PTBP2: variants seen among roughly 807,000 people sequenced by gnomAD.
PTBP2 encodes polypyrimidine tract binding protein 2, also known as polypyrimidine tract-binding protein 2.
In PTBP2, 13 loss-of-function variants were observed where a neutral mutation model predicts 61.4. The observed-to-expected ratio is 0.21, with a 90% CI of 0.14 to 0.34. The LOEUF is 0.34. Ranked by LOEUF, PTBP2 falls within the 10% of genes least tolerant of loss-of-function variation. The probability of loss-of-function intolerance (pLI) is 1.00; values close to 1 mark genes in which losing one functional copy is unlikely to be tolerated. For missense variants in PTBP2, 405 were observed against 642.6 expected (o/e 0.63, Z 4.00); for synonymous variants, 215 against 218.5 (o/e 0.98, Z 0.14).
chr1:96,722,385 G>A (rs1279401171), intron 1 of PTBP2, among the ~76,000 whole-genome samples: 1 of 152,048 alleles, frequency 6.6e-6, no homozygotes, highest in Non-Finnish European at 1.5e-5. Flanking sequence ...CTCCGTGGTC[G>A]GGAGAGATGC....
intron 3 of PTBP2, among the ~76,000 whole-genome samples, chr1:96,759,520 CTT>C (rs1557717967): frequency 6.6e-6 from 1 of 152,092 alleles, no homozygotes; most frequent in East Asian, 1.9e-4. Context: ...GCAAAAGAAA[CTT>C]AAACCCTACA....
In PTBP2 at chr1:96,814,044, A is replaced by C. The variant is rs746184930; in HGVS notation, c.*639A>C. The C allele has an allele frequency of 2.0e-5, 3 of 152,656 alleles. No homozygotes were observed. The highest frequency in any genetic ancestry group is 1.3e-4 in the Admixed American group (2 of 15,282). 9.5% of individuals were successfully genotyped at this position (152,656 alleles called of 1,614,324 possible). On this transcript the variant is annotated 3_prime_UTR_variant, in exon 14 of 14. Transcript: ENST00000674951. ...TGAATGTAGGCATTAGTTAAAATTA[A>C]CAAGATGCAGAGTATTAATTTCTTA...
At chr1:96,758,705 C>T (rs954885597) in intron 3 of PTBP2, among the ~76,000 whole-genome samples, 4 of 152,022 alleles carry the variant, frequency 2.6e-5, no homozygotes, top group Admixed American at 1.3e-4. Flanking sequence ...GAACCTACAA[C>T]AAATTTCATA....
chr1:96,752,955 A>T (rs1233755945), intron 3 of PTBP2, among the ~76,000 whole-genome samples: 1 of 152,114 alleles, frequency 6.6e-6, no homozygotes, highest in Admixed American at 6.5e-5. Flanking sequence ...AACCACAGAG[A>T]AGTGGAGAGC....
chr1:96,750,633 T>G (rs1455493476), intron 2 of PTBP2, among the ~76,000 whole-genome samples: 1 of 152,042 alleles, frequency 6.6e-6, no homozygotes, highest in Non-Finnish European at 1.5e-5. Context: ...ATGGTTGCAT[T>G]TAACTTCTTT....
chr1:96,802,202 C>T (rs1661073363), intron 8 of PTBP2, among the ~76,000 whole-genome samples: 1 of 130,394 alleles, frequency 7.7e-6, no homozygotes, highest in Admixed American at 7.9e-5. Context: ...CACAGCGAGA[C>T]TCCGTCTCGA....
At chr1:96,791,631 C>G (rs891845164) in intron 8 of PTBP2, among the ~76,000 whole-genome samples, 1 of 152,112 alleles carries the variant, frequency 6.6e-6, no homozygotes, top group Admixed American at 6.5e-5. Flanking sequence ...AAGAACTAAT[C>G]TTTTTGGATC....
chr1:96,800,520 C>T (rs143545183), intron 8 of PTBP2, among the ~76,000 whole-genome samples: 1,680 of 151,016 alleles, frequency 0.011, 18 homozygotes, highest in Non-Finnish European at 0.019. Context: ...TTGCTGGAGG[C>T]CAGGAGTTTG....
At chr1:96,733,021 C>CTTTTT (rs35353502) in intron 2 of PTBP2, among the ~76,000 whole-genome samples, 9 of 139,430 alleles carry the variant, frequency 6.5e-5, no homozygotes, top group South Asian at 2.3e-4. Context: ...TTCTTTCTTT[C>CTTTTT]TTTTTTTTTT....
chr1:96,789,815 C>A lies in PTBP2; in HGVS notation c.904+4561C>A, dbSNP rs190227357. The stretch of plus-strand genomic sequence containing the variant: ...TTTTCTTTTGTGTTCTAAAGCAAAT[C>A]CTTGACATTGTGACATGTCTTCTCA... On this transcript the variant is annotated intron_variant, in intron 8 of 13. Coordinates refer to ENST00000674951, the MANE Select transcript of PTBP2 (RefSeq NM_021190.4). Among the ~76,000 whole-genome samples, 10 of 152,128 alleles carry A rather than the reference C, an allele frequency of 6.6e-5. No individual in the cohort carries two copies. In the East Asian group the frequency reaches 1.9e-3, roughly 29 times the overall value.
At chr1:96,800,117 A>G (rs1369489494) in intron 8 of PTBP2, among the ~76,000 whole-genome samples, 2 of 152,160 alleles carry the variant, frequency 1.3e-5, no homozygotes, top group East Asian at 3.9e-4. Context: ...CTTACACCAT[A>G]CTGTGAACTG....
At chr1:96,754,142 A>G (rs1654893506) in intron 3 of PTBP2, among the ~76,000 whole-genome samples, 1 of 152,140 alleles carries the variant, frequency 6.6e-6, no homozygotes, top group African/African-American at 2.4e-5. Flanking sequence ...TGAAGAGCAA[A>G]TCTAAACAGC....
chr1:96,769,892 G>T lies in PTBP2; in HGVS notation c.288+17G>T, dbSNP rs1657192239. ...AAAAATCAGGTACACTTCTTTCAGG[G>T]TTTATGAAATGTTAAACCCCAAACT... On this transcript the variant is annotated intron_variant, in intron 4 of 13. Coordinates refer to ENST00000674951, the MANE Select transcript of PTBP2 (RefSeq NM_021190.4). 3 of 1,558,454 alleles carry T rather than the reference G, an allele frequency of 1.9e-6. No homozygotes were observed. Among genetic ancestry groups the T allele is most frequent in the Non-Finnish European group, 2.6e-6 (3 of 1,153,746 alleles).
At chr1:96,798,663 A>C (rs895575990) in intron 8 of PTBP2, among the ~76,000 whole-genome samples, 1 of 152,190 alleles carries the variant, frequency 6.6e-6, no homozygotes, top group Non-Finnish European at 1.5e-5. Context: ...GTAATAGGAG[A>C]TACTGGAACA....
At chr1:96,789,165 CTG>C (rs1236522440) in intron 8 of PTBP2, among the ~76,000 whole-genome samples, 3 of 151,804 alleles carry the variant, frequency 2.0e-5, no homozygotes, top group East Asian at 1.9e-4. Context: ...AGGAGAGAGA[CTG>C]TGTACAAAGA....
intron 2 of PTBP2, among the ~76,000 whole-genome samples, chr1:96,724,200 C>T (rs1294297040): frequency 6.6e-6 from 1 of 152,132 alleles, no homozygotes. Flanking sequence ...TAATGCTTAA[C>T]ATTTTCTTGA....
At chr1:96,789,768 CACTT>C (rs1367718875) in intron 8 of PTBP2, among the ~76,000 whole-genome samples, 1 of 152,066 alleles carries the variant, frequency 6.6e-6, no homozygotes, top group Non-Finnish European at 1.5e-5. Flanking sequence ...ATAGCGCTGA[CACTT>C]AGTTTTATCT....
At chr1:96,778,123 A>T (rs908110301) in intron 7 of PTBP2, among the ~76,000 whole-genome samples, 177 bp downstream of exon 7, 1 of 151,140 alleles carries the variant, frequency 6.6e-6, no homozygotes, top group Non-Finnish European at 1.5e-5. Context: ...TTTTTAGGAA[A>T]ATCATAGTTG....
At chr1:96,743,568 G>A (rs1653344068) in intron 2 of PTBP2, among the ~76,000 whole-genome samples, 1 of 151,962 alleles carries the variant, frequency 6.6e-6, no homozygotes, top group African/African-American at 2.4e-5. Context: ...TTTTTTCTGT[G>A]TATATTAGAA....
Sources: gnomAD v4.1 joint callset for allele counts (sites outside exome capture counted in the v4.1 genomes callset) on GRCh38, gnomAD v4.1.1 for gene constraint, MANE v1.5 for transcripts, NCBI Gene and HGNC (gene_info 2026-07-23, HGNC 2026-07-21) for gene names.